Variants in MAOB observed in about 807,000 individuals in gnomAD.
MAOB encodes amine oxidase [flavin-containing] B.
A neutral mutation model predicts 41.9 loss-of-function variants in MAOB; 15 were observed. That is an observed-to-expected ratio of 0.36 (90% CI 0.24 to 0.55). The LOEUF is 0.55. Among genes scored for constraint, MAOB ranks in the 20% least tolerant of loss-of-function variants. The pLI is 0.86. For synonymous variants in MAOB, 167 were observed against 144.2 expected (o/e 1.16, Z -1.13); for missense variants, 345 against 398.7 (o/e 0.87, Z 1.15).
chrX:43,776,622 T>A (rs914054204), intron 11 of MAOB, among the ~76,000 whole-genome samples: 3 of 111,483 alleles, frequency 2.7e-5, no homozygotes, highest in Non-Finnish European at 5.7e-5. Flanking sequence ...CATTTTTTTT[T>A]ATTATACTTT....
chrX:43,770,740 G>GAACA (rs1392720424), intron 12 of MAOB, among the ~76,000 whole-genome samples: 1 of 111,934 alleles, frequency 8.9e-6, no homozygotes, highest in Non-Finnish European at 1.9e-5. Context: ...TTTGAACCAT[G>GAACA]TCTAACAGAT....
chrX:43,833,345 C>T (rs1046603935), intron 3 of MAOB, among the ~76,000 whole-genome samples: 9 of 110,890 alleles, frequency 8.1e-5, no homozygotes, highest in Non-Finnish European at 1.7e-4. Flanking sequence ...TGATACGCAG[C>T]CTGGGAATCC....
intron 7 of MAOB, among the ~76,000 whole-genome samples, chrX:43,794,137 AG>A (rs2034498127): frequency 9.0e-6 from 1 of 111,591 alleles, no homozygotes; most frequent in South Asian, 3.8e-4. Context: ...GGCCTCCCAA[AG>A]TGCTGGGATT....
chrX:43,814,880 TAA>T (rs2034790009), intron 3 of MAOB, among the ~76,000 whole-genome samples: 1 of 111,999 alleles, frequency 8.9e-6, no homozygotes, highest in East Asian at 2.8e-4. Context: ...CTGAAAAAAG[TAA>T]AGTGTTTAAG....
chrX:43,767,299 A>G lies in MAOB; in HGVS notation c.*167T>C, dbSNP rs1243915047. Reference sequence around the variant, plus strand: ...TAAGGGACACTAAGCAGGGGCCACAACGGAGAAAGAGATACCATGTATTTT... The same window carrying G: ...TAAGGGACACTAAGCAGGGGCCACAGCGGAGAAAGAGATACCATGTATTTT... On this transcript the variant is annotated 3_prime_UTR_variant, in exon 15 of 15. Coordinates refer to ENST00000378069, the MANE Select transcript of MAOB (RefSeq NM_000898.5). 2.1e-6 allele frequency: 1 copy of G among 480,745 alleles called. No homozygotes were observed. The highest frequency in any genetic ancestry group is 3.3e-6 in the Non-Finnish European group (1 of 301,037). 39.6% of individuals were successfully genotyped at this position (480,745 alleles called of 1,213,427 possible).
intron 3 of MAOB, among the ~76,000 whole-genome samples, chrX:43,833,971 C>T (rs761481383): frequency 9.8e-5 from 11 of 112,107 alleles, no homozygotes; most frequent in Non-Finnish European, 1.7e-4. Context: ...ACAGCATAAG[C>T]TTTAGAATGA....
At chrX:43,833,098 C>A (rs2035036170) in intron 3 of MAOB, among the ~76,000 whole-genome samples, 1 of 111,392 alleles carries the variant, frequency 9.0e-6, no homozygotes, top group African/African-American at 3.3e-5. Context: ...TCTTGACACC[C>A]AAAAGCCTCA....
chrX:43,860,646 G>A (rs970069179), intron 1 of MAOB, among the ~76,000 whole-genome samples: 2 of 110,899 alleles, frequency 1.8e-5, no homozygotes, highest in Non-Finnish European at 3.8e-5. Flanking sequence ...CACATCTCAG[G>A]GTATCTTTCA....
At chrX:43,839,088 G>T in intron 2 of MAOB, 83 bp from the exon 3 acceptor site, 1 of 738,386 alleles carries the variant, frequency 1.4e-6, no homozygotes, top group East Asian at 3.7e-5. Context: ...TAAGCAAATC[G>T]ACATTTCACA....
chrX:43,856,427 A>G (rs1271209656), intron 1 of MAOB, among the ~76,000 whole-genome samples: 1 of 111,904 alleles, frequency 8.9e-6, no homozygotes, highest in African/African-American at 3.3e-5. Flanking sequence ...CTGAAATCCT[A>G]GTGTTTTAAA....
chrX:43,854,932 T>C (rs2035278646), intron 1 of MAOB, among the ~76,000 whole-genome samples: 1 of 111,713 alleles, frequency 9.0e-6, no homozygotes, highest in South Asian at 3.9e-4. Flanking sequence ...TGATTGTCAA[T>C]GACATTTATG....
intron 3 of MAOB, among the ~76,000 whole-genome samples, chrX:43,820,150 T>A (rs1048082256): frequency 1.8e-5 from 2 of 112,215 alleles, no homozygotes; most frequent in Non-Finnish European, 3.8e-5. Flanking sequence ...TGAAATCTTG[T>A]CTTCCATGCA....
intron 7 of MAOB, 31 bp from the exon 8 acceptor site, chrX:43,793,609 T>C (rs775896128): frequency 8.9e-7 from 1 of 1,120,838 alleles, no homozygotes; most frequent in Non-Finnish European, 1.2e-6. Context: ...TTAAACATTG[T>C]TGCCGTGTTG....
intron 1 of MAOB, among the ~76,000 whole-genome samples, chrX:43,855,484 T>A (rs944044809): frequency 2.7e-5 from 3 of 110,655 alleles, no homozygotes; most frequent in African/African-American, 9.9e-5. Flanking sequence ...TATCCAGAGC[T>A]AAAGGTATCA....
chrX:43,850,106 C>T (rs778127967), intron 1 of MAOB, among the ~76,000 whole-genome samples: 21 of 111,448 alleles, frequency 1.9e-4, no homozygotes, highest in African/African-American at 6.2e-4. Context: ...AAAGGAGGTT[C>T]GAAGAGATTC....
chrX:43,809,539 A>G (rs1045371808), intron 3 of MAOB, among the ~76,000 whole-genome samples: 1 of 112,523 alleles, frequency 8.9e-6, no homozygotes, highest in Non-Finnish European at 1.9e-5. Context: ...TCTGATAAAC[A>G]CAGGAAAGAG....
chrX:43,853,075 C>A (rs867019678), intron 1 of MAOB, among the ~76,000 whole-genome samples: 1 of 108,804 alleles, frequency 9.2e-6, no homozygotes, highest in Non-Finnish European at 1.9e-5. Flanking sequence ...CCGAGGCGGG[C>A]GGATCACGAT....
intron 3 of MAOB, among the ~76,000 whole-genome samples, chrX:43,817,138 TTCTC>T (rs757571597): frequency 4.4e-4 from 46 of 105,041 alleles, no homozygotes; most frequent in African/African-American, 1.6e-3. Context: ...TCTTCTTCTT[TTCTC>T]TCTCTCTCTC....
chrX:43,800,239 CAT>C (rs2034575702), intron 5 of MAOB, among the ~76,000 whole-genome samples: 1 of 111,075 alleles, frequency 9.0e-6, no homozygotes, highest in African/African-American at 3.3e-5. Context: ...ATCCCAAAAA[CAT>C]ATGATTGATT....
Sources: gnomAD v4.1 joint callset for allele counts (sites outside exome capture counted in the v4.1 genomes callset) on GRCh38, gnomAD v4.1.1 for gene constraint, MANE v1.5 for transcripts, NCBI Gene and HGNC (gene_info 2026-07-23, HGNC 2026-07-21) for gene names.